Variants in CHEK2 observed in about 807,000 individuals in gnomAD.
CHEK2 encodes checkpoint kinase 2.
Under a neutral mutation model 69.1 loss-of-function variants are expected in CHEK2, and 71 were observed. The ratio of observed to expected loss-of-function variants is 1.03; its 90% CI spans 0.85 to 1.25. The LOEUF (loss-of-function observed/expected upper bound fraction) is 1.25. CHEK2 is among the 50% of genes most tolerant of loss of function. The pLI is 0.00. For missense variants in CHEK2, 664 were observed against 649.6 expected (o/e 1.02, Z -0.24); for synonymous variants, 189 against 226.9 (o/e 0.83, Z 1.50).
intron 7 of CHEK2, among the ~76,000 whole-genome samples, chr22:28,704,914 G>A (rs1006494330): frequency 6.6e-6 from 1 of 152,022 alleles, no homozygotes; most frequent in African/African-American, 2.4e-5. Flanking sequence ...ACAATGAATT[G>A]TTATATAGCA....
intron 14 of CHEK2, among the ~76,000 whole-genome samples, chr22:28,688,839 A>G (rs1601700962): frequency 1.3e-5 from 2 of 152,376 alleles, no homozygotes; most frequent in Middle Eastern, 6.8e-3. Flanking sequence ...TAATTTGTTC[A>G]ACAAATTTAT....
At chr22:28,723,386 C>A (rs2053867560) in intron 4 of CHEK2, among the ~76,000 whole-genome samples, 5 of 149,864 alleles carry the variant, frequency 3.3e-5, no homozygotes, top group Admixed American at 2.7e-4. Flanking sequence ...ATCACGAGGT[C>A]AGGAGATCGA....
rs730881701 is a variant in CHEK2 at position 28,725,278 on chromosome 22, G to A, written c.409C>T (p.Arg137Ter). The A allele has an allele frequency of 2.0e-5, 32 of 1,614,006 alleles. No individual in the cohort carries two copies. The highest frequency in any genetic ancestry group is 1.2e-4 in the South Asian group (11 of 91,084). ...CGAAAGTGTTTCTTGCTGTATGTTC[G>A]GTATTTATCTGTTCTTTTCAGCAGT... ...EPLLKRTDKYRTYSKKHFRIF... is the reference protein window; with the variant it reads ...EPLLKRTDKY Residue 137 changes from arginine (R) to a stop codon, truncating the protein, a stop_gained, in exon 3 of 15, where the codon CGA becomes TGA. Transcript: ENST00000404276. LOFTEE classifies it high-confidence loss of function.
intron 7 of CHEK2, among the ~76,000 whole-genome samples, chr22:28,709,264 T>C (rs2053297019): frequency 6.6e-6 from 1 of 152,168 alleles, no homozygotes; most frequent in Non-Finnish European, 1.5e-5. Flanking sequence ...GGACAGGATG[T>C]TGTCATACTT....
At chr22:28,725,908 C>G (rs995897802) in intron 2 of CHEK2, among the ~76,000 whole-genome samples, 1 of 142,860 alleles carries the variant, frequency 7.0e-6, no homozygotes, top group Non-Finnish European at 1.5e-5. Context: ...GACCCAGTTT[C>G]AAAAAAAAAA....
At chr22:28,713,750 G>T (rs939648328) in intron 5 of CHEK2, among the ~76,000 whole-genome samples, 1 of 151,594 alleles carries the variant, frequency 6.6e-6, no homozygotes, top group South Asian at 2.1e-4. Flanking sequence ...GCACAATCTC[G>T]GCTCACTACA....
intron 4 of CHEK2, among the ~76,000 whole-genome samples, chr22:28,722,409 G>A (rs1035914362): frequency 1.3e-5 from 2 of 151,610 alleles, no homozygotes; most frequent in African/African-American, 2.4e-5. Context: ...GCGCAGTGGC[G>A]GGCGCCTATA....
intron 7 of CHEK2, among the ~76,000 whole-genome samples, chr22:28,704,777 T>C (rs2053043602): frequency 6.6e-6 from 1 of 151,854 alleles, no homozygotes; most frequent in Non-Finnish European, 1.5e-5. Context: ...AAGAAAAGAG[T>C]CATCAGATTT....
At chr22:28,703,402 T>C in intron 8 of CHEK2, 103 bp downstream of exon 8, 1 of 716,612 alleles carries the variant, frequency 1.4e-6, no homozygotes. Flanking sequence ...ATACATACGT[T>C]GAGGCCCCCC....
chr22:28,728,337 T>A (rs576585204), intron 2 of CHEK2, among the ~76,000 whole-genome samples: 4 of 151,950 alleles, frequency 2.6e-5, no homozygotes, highest in African/African-American at 9.7e-5. Context: ...ATGACATAGG[T>A]GAAATGGACA....
At chr22:28,721,257 GTT>G (rs1469912344) in intron 4 of CHEK2, among the ~76,000 whole-genome samples, 1 of 133,016 alleles carries the variant, frequency 7.5e-6, no homozygotes, top group African/African-American at 2.8e-5. Flanking sequence ...ACAATGTACT[GTT>G]TTTTGTTTGT....
chr22:28,705,585 C>T (rs2053088172), intron 7 of CHEK2, among the ~76,000 whole-genome samples: 1 of 152,074 alleles, frequency 6.6e-6, no homozygotes, highest in African/African-American at 2.4e-5. Context: ...GATTCAGAAA[C>T]AAGCAGTAAA....
chr22:28,712,385 AAAAC>A (rs1172624829), intron 5 of CHEK2: 1 of 297,368 alleles, frequency 3.4e-6, no homozygotes. Context: ...ATAAGTGCCC[AAAAC>A]AAACAAATAA....
In CHEK2 at chr22:28,741,817, G is replaced by C. The variant is rs1488438715; in HGVS notation, c.-55C>G. 9.2e-6 allele frequency: 5 copies of C among 541,580 alleles called. No individual in the cohort carries two copies. The highest frequency in any genetic ancestry group is 3.2e-5 in the East Asian group (1 of 31,198). The allele number at this position is 541,580 out of a possible 1,614,324, so 33.5% of individuals were successfully genotyped here. A position where few individuals can be genotyped will look rare whatever the true frequency, so the allele number is the denominator to read the frequency against. On this transcript the variant is annotated 5_prime_UTR_variant, in exon 1 of 15. Transcript: ENST00000404276. ...ACACTCTCCGCAGCCTCAGCCAGCA[G>C]AGTGGCGCTAAACCTGCAGATACAA...
At chr22:28,699,472 C>T (rs1458225326) in intron 9 of CHEK2, among the ~76,000 whole-genome samples, 1 of 141,724 alleles carries the variant, frequency 7.1e-6, no homozygotes, top group Admixed American at 7.8e-5. Context: ...TCAAGTGATT[C>T]TCCTGCCTCA....
intron 1 of CHEK2, among the ~76,000 whole-genome samples, chr22:28,736,340 TA>T (rs1177023093): frequency 6.6e-6 from 1 of 152,148 alleles, no homozygotes; most frequent in Non-Finnish European, 1.5e-5. Flanking sequence ...TCCATTTACA[TA>T]AAATGTCACT....
rs1426424086 is a variant in CHEK2, at chr22:28,734,676, T to G, written c.46A>C (p.Ser16Arg). 1.9e-6 allele frequency: 3 copies of G among 1,613,888 alleles called. No homozygotes were observed. The Admixed American group carries it at 5.0e-5, about 27-fold the overall frequency. Residue 16 changes from serine to arginine, a missense_variant, in exon 2 of 15, where the codon AGT (serine) becomes CGT (arginine). By Grantham distance (110) the Ser-to-Arg change is moderately radical. Transcript: ENST00000404276. ...DVEAQQSHGS[S>R]ACSQPHGSVT... Reference sequence around the variant, plus strand: ...CTGCCATGGGGCTGTGAACAGGCACTGCTGCCATGAGACTGCTGAGCCTCA... The same window carrying G: ...CTGCCATGGGGCTGTGAACAGGCACGGCTGCCATGAGACTGCTGAGCCTCA...
chr22:28,701,549 T>TA (rs2052848408), intron 8 of CHEK2, among the ~76,000 whole-genome samples: 1 of 152,162 alleles, frequency 6.6e-6, no homozygotes, highest in Non-Finnish European at 1.5e-5. Flanking sequence ...CCTGCATAGA[T>TA]ACGATTTGCC....
At chr22:28,740,100 C>T (rs1326743703) in intron 1 of CHEK2, among the ~76,000 whole-genome samples, 1 of 152,130 alleles carries the variant, frequency 6.6e-6, no homozygotes, top group Admixed American at 6.5e-5. Context: ...ACTCGGGAGG[C>T]TGAGGCAGGC....
Sources: allele counts gnomAD v4.1 joint callset (sites outside exome capture counted in the v4.1 genomes callset), GRCh38; gene constraint gnomAD v4.1.1; transcripts MANE v1.5; gene names NCBI Gene and HGNC (gene_info 2026-07-23, HGNC 2026-07-21).